Variants in DRC11 observed in about 807,000 individuals in gnomAD.
DRC11 encodes IQ and AAA domain-containing protein 1.
At chr2:236,363,743 G>A in the DRC11 span, 3 of 1,439,098 alleles carry the variant, frequency 2.1e-6, no homozygotes, top group Admixed American at 3.4e-5. The surrounding 1 kb of genome is among the most constrained non-coding windows in gnomAD (Gnocchi z 5.6). Context: ...ATTTGAAAGA[G>A]GGAGGAGAGT....
chr2:236,308,120 T>A, the DRC11 span, among the ~76,000 whole-genome samples: 3 of 152,224 alleles, frequency 2.0e-5, no homozygotes, highest in Non-Finnish European at 4.4e-5. The surrounding 1 kb of genome is among the most constrained non-coding windows in gnomAD (Gnocchi z 6.0). Context: ...CTTTGCCAAC[T>A]GAAAAGTGAC....
chr2:236,467,758 G>C, the DRC11 span, among the ~76,000 whole-genome samples: 1 of 152,106 alleles, frequency 6.6e-6, no homozygotes, highest in Non-Finnish European at 1.5e-5. Flanking sequence ...GTTTAGAAAA[G>C]ACATTAGCAA....
the DRC11 span, among the ~76,000 whole-genome samples, chr2:236,338,920 A>G: frequency 1.3e-5 from 2 of 152,344 alleles, no homozygotes; most frequent in East Asian, 3.9e-4. Context: ...GAGGGAGAGG[A>G]ATGAGCGAGA....
the DRC11 span, among the ~76,000 whole-genome samples, chr2:236,504,097 C>T: frequency 2.0e-5 from 3 of 152,284 alleles, no homozygotes; most frequent in East Asian, 5.8e-4. The surrounding 1 kb of genome is among the most constrained non-coding windows in gnomAD (Gnocchi z 5.0). Flanking sequence ...GAAGCAGTCA[C>T]TCCCCATTCC....
the DRC11 span, among the ~76,000 whole-genome samples, chr2:236,337,467 C>T: frequency 1.1e-4 from 16 of 152,318 alleles, no homozygotes; most frequent in South Asian, 2.9e-3. This position sits in a 1 kb window ranked among gnomAD's most constrained non-coding sequence, Gnocchi z 4.9. Context: ...GCTAACACCT[C>T]GTGAGTGTCA....
the DRC11 span, among the ~76,000 whole-genome samples, chr2:236,477,993 C>T: frequency 1.4e-5 from 2 of 143,652 alleles, no homozygotes; most frequent in Admixed American, 6.9e-5. Context: ...CTCAACTTTT[C>T]GTTTTGTTGA....
chr2:236,411,606 T>C, the DRC11 span, among the ~76,000 whole-genome samples: 6 of 151,790 alleles, frequency 4.0e-5, no homozygotes, highest in African/African-American at 1.5e-4. Flanking sequence ...TGTATGTTTA[T>C]TGTGGCATTA....
chr2:236,498,148 G>A, the DRC11 span, among the ~76,000 whole-genome samples: 300 of 152,210 alleles, frequency 2.0e-3, 4 homozygotes, highest in African/African-American at 6.5e-3. Context: ...GATGTACAGT[G>A]TGAGAAATGA....
At chr2:236,373,586 C>T in the DRC11 span, among the ~76,000 whole-genome samples, 2 of 152,194 alleles carry the variant, frequency 1.3e-5, no homozygotes, top group Admixed American at 1.3e-4. Context: ...AAATAGGTTT[C>T]AGTATAGACC....
the DRC11 span, among the ~76,000 whole-genome samples, chr2:236,465,221 C>T: frequency 4.6e-3 from 706 of 152,156 alleles, 6 homozygotes; most frequent in African/African-American, 0.016. This position sits in a 1 kb window ranked among gnomAD's most constrained non-coding sequence, Gnocchi z 6.2. Context: ...TTTCTGGGTC[C>T]CCTGACTTTT....
At chr2:236,501,740 C>G in the DRC11 span, among the ~76,000 whole-genome samples, 1 of 152,224 alleles carries the variant, frequency 6.6e-6, no homozygotes, top group South Asian at 2.1e-4. Flanking sequence ...AAAACAGAAC[C>G]ATGCTCAAGT....
chr2:236,327,909 C>T, the DRC11 span, among the ~76,000 whole-genome samples: 8 of 152,162 alleles, frequency 5.3e-5, no homozygotes, highest in South Asian at 4.1e-4. Context: ...CTCGAACTTC[C>T]GACCTCAGGT....
the DRC11 span, among the ~76,000 whole-genome samples, chr2:236,487,088 G>C: frequency 6.6e-6 from 1 of 152,114 alleles, no homozygotes; most frequent in Admixed American, 6.5e-5. Flanking sequence ...TAAAAAGAAT[G>C]AACCACAGAA....
chr2:236,324,871 G>C, the DRC11 span: 1 of 951,442 alleles, frequency 1.1e-6, no homozygotes, highest in Non-Finnish European at 1.6e-6. This position sits in a 1 kb window ranked among gnomAD's most constrained non-coding sequence, Gnocchi z 5.7. Flanking sequence ...CTGCTAAGCA[G>C]GAAGGGGCAA....
the DRC11 span, chr2:236,409,035 C>T: frequency 3.5e-5 from 22 of 625,128 alleles, no homozygotes; most frequent in South Asian, 9.0e-5. Context: ...GGCAGGAAGC[C>T]GAGGGACCCA....
the DRC11 span, among the ~76,000 whole-genome samples, chr2:236,481,715 T>C: frequency 6.6e-6 from 1 of 152,124 alleles, no homozygotes; most frequent in Non-Finnish European, 1.5e-5. Context: ...AGCTCACACA[T>C]TAAAACATCA....
chr2:236,399,586 G>A, the DRC11 span: 1 of 951,646 alleles, frequency 1.1e-6, no homozygotes. The surrounding 1 kb of genome is among the most constrained non-coding windows in gnomAD (Gnocchi z 7.0). Context: ...TGCCGCGCAG[G>A]CCCAGTCCTG....
chr2:236,434,465 C>T, the DRC11 span, among the ~76,000 whole-genome samples: 6 of 152,266 alleles, frequency 3.9e-5, no homozygotes, highest in East Asian at 3.9e-4. This position sits in a 1 kb window ranked among gnomAD's most constrained non-coding sequence, Gnocchi z 5.5. Context: ...AAGTACCTCA[C>T]GTGTATTGTC....
At chr2:236,344,319 G>A in the DRC11 span, among the ~76,000 whole-genome samples, 1 of 152,158 alleles carries the variant, frequency 6.6e-6, no homozygotes, top group South Asian at 2.1e-4. Flanking sequence ...ATGTTTGGGT[G>A]GAAAATCCCT....
Sources: gnomAD v4.1 joint callset for allele counts (sites outside exome capture counted in the v4.1 genomes callset) on GRCh38, gnomAD v4.1.1 for gene constraint, Gnocchi (gnomAD v3.1) non-coding constraint, MANE v1.5 for transcripts, NCBI Gene and HGNC (gene_info 2026-07-23, HGNC 2026-07-21) for gene names.